Variants in COL4A2 observed in about 807,000 individuals in gnomAD.
COL4A2 encodes collagen type IV alpha 2 chain, also known as collagen alpha-2(IV) chain.
Under a neutral mutation model 200.2 loss-of-function variants are expected in COL4A2, and 99 were observed. That is an observed-to-expected ratio of 0.49 (90% CI 0.42 to 0.58). COL4A2 has a LOEUF of 0.58. Among genes scored for constraint, COL4A2 ranks in the 20% least tolerant of loss-of-function variants. The probability of loss-of-function intolerance (pLI) is 0.00; values close to 1 mark genes in which losing one functional copy is unlikely to be tolerated. For synonymous variants in COL4A2, 897 were observed against 900.6 expected (o/e 1.00, Z 0.07); for missense variants, 1,950 against 2,314.1 (o/e 0.84, Z 3.23).
chr13:110,512,092 C>G lies in COL4A2; in HGVS notation c.5040C>G (p.Pro1680=). The G allele has an allele frequency of 6.2e-7, 1 of 1,613,752 alleles. No homozygotes were observed. The highest frequency in any genetic ancestry group is 8.5e-7 in the Non-Finnish European group (1 of 1,180,048). The change falls in exon 48 of 48, where the codon CCC becomes CCG. Residue 1680 remains proline, a synonymous_variant. Coordinates refer to ENST00000360467, the MANE Select transcript of COL4A2 (RefSeq NM_001846.4). ...ACAGCTTCTGGCTGACCACCATTCC[C>G]GAGCAGAGCTTCCAGGGCTCGCCCT... The part of the protein sequence containing the change: ...NKYSFWLTTI[P]EQSFQGSPSA...
chr13:110,392,325 T>C (rs1048784137), intron 4 of COL4A2, among the ~76,000 whole-genome samples: 4 of 152,220 alleles, frequency 2.6e-5, no homozygotes, highest in African/African-American at 9.6e-5. Context: ...AATGATGCTA[T>C]AGTTGAAACG....
Position 110,509,755 on chromosome 13 carries a change from C to T in COL4A2, c.4881+1534C>T, listed in dbSNP as rs55678479. ...CTCTGCACACGTAACTCTCTGCTTA[C>T]ATAAATGGCTGACAGCCCCAGCAAG... is the stretch of plus-strand genomic sequence containing the variant. On this transcript the variant is annotated intron_variant, in intron 47 of 47. Coordinates refer to ENST00000360467, the MANE Select transcript of COL4A2 (RefSeq NM_001846.4). 7.0e-3 allele frequency among the ~76,000 whole-genome samples: 1,060 copies of T among 152,274 alleles called. 4 individuals carry two copies. The highest frequency in any genetic ancestry group is 0.012 in the Non-Finnish European group (819 of 68,024).
intron 4 of COL4A2, among the ~76,000 whole-genome samples, chr13:110,364,826 G>A (rs1877674085): frequency 6.6e-6 from 1 of 152,140 alleles, no homozygotes; most frequent in South Asian, 2.1e-4. Flanking sequence ...TGGATGTTCA[G>A]TATGGTAACT....
intron 7 of COL4A2, among the ~76,000 whole-genome samples, 165 bp downstream of exon 7, chr13:110,428,748 C>T (rs575118181): frequency 6.6e-6 from 1 of 152,320 alleles, no homozygotes; most frequent in African/African-American, 2.4e-5. Flanking sequence ...CTTCATTTTT[C>T]GTATTCTTTA....
intron 41 of COL4A2, 65 bp downstream of exon 41, chr13:110,501,849 T>C (rs1883656185): frequency 6.8e-7 from 1 of 1,464,556 alleles, no homozygotes. Context: ...ATGGCCCGCT[T>C]AATGTAGGGG....
chr13:110,476,119 C>T (rs1882695389), intron 29 of COL4A2, among the ~76,000 whole-genome samples: 1 of 152,128 alleles, frequency 6.6e-6, no homozygotes, highest in South Asian at 2.1e-4. Context: ...CCCCCAAGTT[C>T]CCCCACAGTC....
intron 3 of COL4A2, among the ~76,000 whole-genome samples, chr13:110,335,392 G>A (rs1334457055): frequency 2.6e-5 from 4 of 152,056 alleles, no homozygotes; most frequent in Non-Finnish European, 5.9e-5. Context: ...TATTCTTGCG[G>A]TAGAGTAAGT....
intron 4 of COL4A2, among the ~76,000 whole-genome samples, chr13:110,369,148 T>C (rs768091802): frequency 6.6e-6 from 1 of 150,978 alleles, no homozygotes; most frequent in Admixed American, 6.6e-5. Flanking sequence ...GAGTTGGAGG[T>C]TGCAGTGAGC....
rs77247654 is a variant in COL4A2, at chr13:110,455,597, T to C, written c.1340-1746T>C. Among the ~76,000 whole-genome samples, 18 of 152,336 alleles carry C rather than the reference T, an allele frequency of 1.2e-4. No homozygotes were observed. The East Asian group carries it at 3.5e-3, about 29-fold the overall frequency. On this transcript the variant is annotated intron_variant, in intron 20 of 47. Coordinates refer to ENST00000360467, the MANE Select transcript of COL4A2 (RefSeq NM_001846.4). ...GCTCCATGAGAGTCCATCGGTTTCATTTCCAGTTGTATACACACAGCACCT... is the reference window on the plus strand; with the variant it reads ...GCTCCATGAGAGTCCATCGGTTTCACTTCCAGTTGTATACACACAGCACCT...
intron 31 of COL4A2, among the ~76,000 whole-genome samples, chr13:110,480,896 C>T (rs1196260914): frequency 6.6e-6 from 1 of 151,768 alleles, no homozygotes; most frequent in South Asian, 2.1e-4. Context: ...ACAGTTCTGT[C>T]CTTCCATTGC....
intron 4 of COL4A2, among the ~76,000 whole-genome samples, chr13:110,377,395 C>CCCT (rs1878281465): frequency 6.6e-6 from 1 of 152,194 alleles, no homozygotes; most frequent in Admixed American, 6.5e-5. Context: ...ACTCTCCTGA[C>CCCT]CCTCCAGTTT....
intron 10 of COL4A2, among the ~76,000 whole-genome samples, chr13:110,431,366 T>C (rs1880675304): frequency 6.6e-6 from 1 of 152,190 alleles, no homozygotes; most frequent in Non-Finnish European, 1.5e-5. Flanking sequence ...TGAAGTCATA[T>C]ATGTCTGGGG....
At chr13:110,345,377 T>C (rs1282045409) in intron 3 of COL4A2, among the ~76,000 whole-genome samples, 2 of 152,056 alleles carry the variant, frequency 1.3e-5, no homozygotes, top group Non-Finnish European at 2.9e-5. Flanking sequence ...GAGGGAACAG[T>C]GGATGCAGGG....
intron 6 of COL4A2, among the ~76,000 whole-genome samples, chr13:110,425,837 G>A (rs994679443): frequency 2.6e-5 from 4 of 152,266 alleles, no homozygotes; most frequent in Admixed American, 1.3e-4. Context: ...GGGAATGAGT[G>A]AGTGGAGGGC....
chr13:110,347,913 G>A (rs903802359), intron 3 of COL4A2, among the ~76,000 whole-genome samples: 1 of 152,246 alleles, frequency 6.6e-6, no homozygotes. Flanking sequence ...GGCACCGAAC[G>A]TCATGCCTCC....
chr13:110,504,028 G>A (rs1369205073), intron 44 of COL4A2, 35 bp downstream of exon 44: 25 of 1,560,576 alleles, frequency 1.6e-5, no homozygotes, highest in East Asian at 2.2e-5. Context: ...AGCCCCTCGG[G>A]GCTGCCCGGG....
At chr13:110,461,080 T>C (rs576196084) in intron 22 of COL4A2, among the ~76,000 whole-genome samples, 40 of 152,232 alleles carry the variant, frequency 2.6e-4, no homozygotes, top group Non-Finnish European at 5.0e-4. Context: ...ATGGGTACCC[T>C]GCTCATCGTG....
chr13:110,479,798 G>C (rs1054697741), intron 30 of COL4A2, among the ~76,000 whole-genome samples: 1 of 152,218 alleles, frequency 6.6e-6, no homozygotes, highest in Non-Finnish European at 1.5e-5. Flanking sequence ...GGCAGCAGCA[G>C]CAAATGGGCA....
intron 41 of COL4A2, 132 bp from the exon 42 acceptor site, chr13:110,502,989 A>C: frequency 1.2e-6 from 1 of 838,828 alleles, no homozygotes. Context: ...TTTTTTAAAA[A>C]CATAGACAAA....
Sources: gnomAD v4.1 joint callset for allele counts (sites outside exome capture counted in the v4.1 genomes callset) on GRCh38, gnomAD v4.1.1 for gene constraint, MANE v1.5 for transcripts, NCBI Gene and HGNC (gene_info 2026-07-23, HGNC 2026-07-21) for gene names.